The following OPHN1 variants were observed in gnomAD, a reference collection of about 807,000 sequenced individuals.
OPHN1 encodes the protein oligophrenin 1.
A neutral mutation model predicts 60.7 loss-of-function variants in OPHN1; 11 were observed. The ratio of observed to expected loss-of-function variants is 0.18; its 90% CI spans 0.11 to 0.30. The LOEUF (loss-of-function observed/expected upper bound fraction) is 0.30. Ranked by LOEUF, OPHN1 falls within the 10% of genes least tolerant of loss-of-function variation. The pLI, the probability that OPHN1 is intolerant of heterozygous loss-of-function variation, is 1.00. For missense variants in OPHN1, 449 were observed against 611.0 expected (o/e 0.73, Z 2.80); for synonymous variants, 226 against 222.6 (o/e 1.02, Z -0.14).
rs1227409880 is a variant in OPHN1, at chrX:68,132,992, G to A, written c.1277-13660C>T. ...CACTCCGGGCCTCAGGCCCCCGGACGCCAAGCCGCCGCCGCTTCAGACGCA... is the reference window on the plus strand; with the variant it reads ...CACTCCGGGCCTCAGGCCCCCGGACACCAAGCCGCCGCCGCTTCAGACGCA... On this transcript the variant is annotated intron_variant, in intron 15 of 24. Coordinates refer to ENST00000355520, the MANE Select transcript of OPHN1 (RefSeq NM_002547.3). 1.1e-5 allele frequency: 5 copies of A among 468,650 alleles called. No homozygotes were observed. In the East Asian group the frequency reaches 2.0e-4, roughly 18 times the overall value. The allele number at this position is 468,650 out of a possible 1,213,427, so 38.6% of individuals were successfully genotyped here. A position where few individuals can be genotyped will look rare whatever the true frequency, so the allele number is the denominator to read the frequency against.
chrX:68,163,428 CTGTGTGTGTGTGTGTG>C (rs10549662), intron 15 of OPHN1, among the ~76,000 whole-genome samples: 6 of 85,280 alleles, frequency 7.0e-5, no homozygotes, highest in Non-Finnish European at 1.4e-4. Context: ...AAAATCCATT[CTGTGTGTGTGTGTGTG>C]TGTGTGTGTG....
At chrX:68,386,656 TG>T (rs1484690693) in intron 2 of OPHN1, among the ~76,000 whole-genome samples, 1 of 111,980 alleles carries the variant, frequency 8.9e-6, no homozygotes, top group African/African-American at 3.2e-5. Flanking sequence ...AACCCAATAC[TG>T]AACAATCATC....
chrX:68,101,453 G>A (rs555370318), intron 18 of OPHN1, among the ~76,000 whole-genome samples: 1 of 112,139 alleles, frequency 8.9e-6, no homozygotes, highest in South Asian at 3.7e-4. Flanking sequence ...TATTAGAACT[G>A]ATGAAATTTG....
intron 2 of OPHN1, among the ~76,000 whole-genome samples, chrX:68,336,985 C>T (rs780851398): frequency 1.8e-5 from 2 of 109,995 alleles, no homozygotes; most frequent in African/African-American, 6.6e-5. Flanking sequence ...TGCTTGAACC[C>T]GGGAGGGAGA....
intron 19 of OPHN1, among the ~76,000 whole-genome samples, chrX:68,084,770 A>C (rs186084067): frequency 1.8e-3 from 198 of 111,704 alleles, no homozygotes; most frequent in African/African-American, 6.3e-3. Flanking sequence ...ATATACTGAA[A>C]GGCTCATTGG....
At chrX:68,295,742 G>A (rs2078091751) in intron 3 of OPHN1, among the ~76,000 whole-genome samples, 1 of 111,822 alleles carries the variant, frequency 8.9e-6, no homozygotes, top group African/African-American at 3.2e-5. Flanking sequence ...ATCGTCAGGG[G>A]GAGGAACTCT....
chrX:68,317,355 GAAA>G (rs1269903634), intron 2 of OPHN1, among the ~76,000 whole-genome samples: 6 of 58,033 alleles, frequency 1.0e-4, no homozygotes, highest in African/African-American at 5.5e-4. Context: ...AAGAAAGAAA[GAAA>G]GAAAGAAAGA....
chrX:68,118,092 C>T (rs1414297528), intron 16 of OPHN1, among the ~76,000 whole-genome samples: 1 of 111,872 alleles, frequency 8.9e-6, no homozygotes, highest in Non-Finnish European at 1.9e-5. Flanking sequence ...AAGGCCAAAG[C>T]TCCTGGGAGT....
At chrX:68,406,105 G>C (rs1439515615) in intron 2 of OPHN1, among the ~76,000 whole-genome samples, 1 of 107,134 alleles carries the variant, frequency 9.3e-6, no homozygotes, top group Non-Finnish European at 1.9e-5. Flanking sequence ...CTGAGATCAC[G>C]CCACTGAACT....
intron 5 of OPHN1, among the ~76,000 whole-genome samples, chrX:68,262,195 TA>T (rs2077896937): frequency 1.8e-5 from 2 of 111,826 alleles, no homozygotes; most frequent in African/African-American, 6.5e-5. Context: ...ATTTTTAAAC[TA>T]AAATAAAACA....
chrX:68,225,787 A>G (rs1366582667), intron 6 of OPHN1, among the ~76,000 whole-genome samples: 2 of 112,171 alleles, frequency 1.8e-5, no homozygotes, highest in African/African-American at 6.5e-5. Context: ...AGAGCAGAAA[A>G]GCTGAAAATT....
chrX:68,288,593 G>A (rs2078056020), intron 3 of OPHN1, among the ~76,000 whole-genome samples: 1 of 110,063 alleles, frequency 9.1e-6, no homozygotes, highest in Non-Finnish European at 1.9e-5. Flanking sequence ...TGAGACCCCC[G>A]TCTCTACTAA....
chrX:68,150,086 A>G (rs998641350), intron 15 of OPHN1, among the ~76,000 whole-genome samples: 1 of 111,894 alleles, frequency 8.9e-6, no homozygotes, highest in Non-Finnish European at 1.9e-5. Flanking sequence ...AATCATCTAG[A>G]TATGGGTGAG....
rs144641888 is a variant in OPHN1, at chrX:68,117,805, T to A, written c.1361+1443A>T. On this transcript the variant is annotated intron_variant, in intron 16 of 24. Coordinates refer to ENST00000355520, the MANE Select transcript of OPHN1 (RefSeq NM_002547.3). Reference sequence around the variant, plus strand: ...TATTACAGAACCATGGATGAGAGTCTCGAGAACAAATATCACTTACTGGGG... The same window carrying A: ...TATTACAGAACCATGGATGAGAGTCACGAGAACAAATATCACTTACTGGGG... 1.6e-4 allele frequency among the ~76,000 whole-genome samples: 18 copies of A among 111,599 alleles called. No homozygotes were observed. The East Asian group carries it at 4.8e-3, about 30-fold the overall frequency.
intron 15 of OPHN1, among the ~76,000 whole-genome samples, chrX:68,152,954 TA>T (rs1302879948): frequency 9.1e-6 from 1 of 109,329 alleles, no homozygotes; most frequent in African/African-American, 3.3e-5. Flanking sequence ...CTCACATCTG[TA>T]ATCCCAGCAC....
At chrX:68,182,540 T>C (rs761590225) in intron 15 of OPHN1, among the ~76,000 whole-genome samples, 3 of 111,003 alleles carry the variant, frequency 2.7e-5, no homozygotes, top group South Asian at 3.8e-4. Flanking sequence ...TACCCAGAGA[T>C]AAGAGCACCA....
chrX:68,362,103 C>T (rs371547842), intron 2 of OPHN1, among the ~76,000 whole-genome samples: 1 of 112,168 alleles, frequency 8.9e-6, no homozygotes, highest in Non-Finnish European at 1.9e-5. Context: ...GAGTTCCTTA[C>T]ATATTTTGGA....
At chrX:68,394,047 T>C (rs780171674) in intron 2 of OPHN1, among the ~76,000 whole-genome samples, 424 of 76,358 alleles carry the variant, frequency 5.6e-3, no homozygotes, top group Admixed American at 6.3e-3. Flanking sequence ...AGGCGCCCGC[T>C]ACCACGCCCG....
At chrX:68,186,581 G>A (rs1476887845) in intron 15 of OPHN1, among the ~76,000 whole-genome samples, 1 of 111,481 alleles carries the variant, frequency 9.0e-6, no homozygotes, top group Non-Finnish European at 1.9e-5. Flanking sequence ...TGATACTCTG[G>A]CTGGCAAAGA....
Sources: gnomAD v4.1 joint callset for allele counts (sites outside exome capture counted in the v4.1 genomes callset) on GRCh38, gnomAD v4.1.1 for gene constraint, MANE v1.5 for transcripts, NCBI Gene and HGNC (gene_info 2026-07-23, HGNC 2026-07-21) for gene names.